Variants in RIN2 observed in about 807,000 individuals in gnomAD.
The protein encoded by RIN2 is Ras and Rab interactor 2.
RIN2 carries 36 observed loss-of-function variants against 78.0 expected under a neutral mutation model. The ratio of observed to expected loss-of-function variants is 0.46; its 90% confidence interval spans 0.35 to 0.61. The LOEUF (loss-of-function observed/expected upper bound fraction) is 0.61. RIN2 is among the 20% of genes least tolerant of loss of function. The pLI, the probability that RIN2 is intolerant of heterozygous loss-of-function variation, is 0.00. For missense variants in RIN2, 1,087 were observed against 1,159.7 expected, an observed-to-expected ratio of 0.94 and a Z score of 0.91; for synonymous variants, 466 against 466.8, an observed-to-expected ratio of 1.00 and a Z score of 0.02.
chr20:19,906,857 G>A (rs1021741706), intron 3 of RIN2, among the ~76,000 whole-genome samples: 1 of 152,224 alleles, frequency 6.6e-6, no homozygotes, highest in African/African-American at 2.4e-5. Context: ...GGCCACTGGA[G>A]TATGACCTCT....
At chr20:19,916,904 C>T (rs1600791792) in intron 3 of RIN2, among the ~76,000 whole-genome samples, 1 of 152,124 alleles carries the variant, frequency 6.6e-6, no homozygotes, top group Non-Finnish European at 1.5e-5. Context: ...TATACAGATC[C>T]TGGCTCCATC....
intron 11 of RIN2, among the ~76,000 whole-genome samples, chr20:19,995,989 A>G (rs1279532492): frequency 1.3e-5 from 2 of 152,008 alleles, no homozygotes; most frequent in African/African-American, 2.4e-5. Flanking sequence ...TAATACCCCA[A>G]CTACTCCTGG....
At chr20:19,762,588 A>T (rs2033684898) in intron 1 of RIN2, among the ~76,000 whole-genome samples, 1 of 152,042 alleles carries the variant, frequency 6.6e-6, no homozygotes, top group Non-Finnish European at 1.5e-5. Context: ...AAATGGACCT[A>T]TCAGATGGGG....
chr20:19,848,141 G>A (rs1384528208), intron 2 of RIN2, among the ~76,000 whole-genome samples: 1 of 152,166 alleles, frequency 6.6e-6, no homozygotes, highest in African/African-American at 2.4e-5. Flanking sequence ...CTTAATGCTA[G>A]TTAAGTGGTG....
chr20:19,804,586 T>C (rs1472498978), intron 2 of RIN2, among the ~76,000 whole-genome samples: 1 of 152,254 alleles, frequency 6.6e-6, no homozygotes, highest in African/African-American at 2.4e-5. Context: ...GATGTGCTGC[T>C]GGATTTGGTT....
chr20:19,866,825 A>C (rs1403654754), intron 2 of RIN2, among the ~76,000 whole-genome samples: 1 of 151,932 alleles, frequency 6.6e-6, no homozygotes, highest in Non-Finnish European at 1.5e-5. Flanking sequence ...GGGTTTCACT[A>C]TGTTGACCAG....
chr20:19,956,807 G>A lies in RIN2; in HGVS notation c.351G>A (p.Gly117=), dbSNP rs1314345930. ...AAEVLQAQPP[G]IFLVHKSTKM... is the part of the protein sequence containing the mutation. ...AGGTCCTGCAGGCCCAGCCTCCGGG[G>A]GTAAGACTCAGAACCTCGGGAAGCA... The change falls in exon 5 of 13, where the codon GGG becomes GGA. Residue 117 remains glycine, a splice_region_variant and synonymous_variant. Transcript: ENST00000255006. The A allele has an allele frequency of 1.3e-6, 2 of 1,567,850 alleles. No individual in the cohort carries two copies. The highest frequency in any genetic ancestry group is 1.7e-6 in the Non-Finnish European group (2 of 1,153,952).
At chr20:19,948,083 A>G (rs1470872869) in intron 4 of RIN2, among the ~76,000 whole-genome samples, 1 of 152,206 alleles carries the variant, frequency 6.6e-6, no homozygotes, top group Non-Finnish European at 1.5e-5. Context: ...TCATGTAAGT[A>G]GAAGCAAACA....
chr20:19,974,839 A>G lies in RIN2; in HGVS notation c.814A>G (p.Ile272Val). Reference protein sequence around the residue: ...CSQTNGALCFINPLFLKVHSQ... With the variant: ...CSQTNGALCFVNPLFLKVHSQ... The stretch of plus-strand genomic sequence containing the variant: ...CCAGACCAACGGGGCCCTGTGCTTT[A>G]TTAATCCCCTTTTCTTGAAAGTGCA... The change falls in exon 9 of 13, where the codon ATT becomes GTT. Residue 272 changes from isoleucine (I) to valine (V), a missense_variant. Coordinates refer to ENST00000255006, the MANE Select transcript of RIN2 (RefSeq NM_018993.4). The G allele has an allele frequency of 3.1e-6, 5 of 1,613,934 alleles. No individual in the cohort carries two copies. Among genetic ancestry groups the G allele is most frequent in the Non-Finnish European group, 4.2e-6 (5 of 1,179,882 alleles).
intron 9 of RIN2, among the ~76,000 whole-genome samples, chr20:19,980,066 A>G (rs2042399239): frequency 6.9e-6 from 1 of 145,378 alleles, no homozygotes; most frequent in Admixed American, 7.0e-5. Flanking sequence ...AAAAAAAAAA[A>G]CTCTTCTGAG....
At chr20:19,955,450 C>T (rs1293156554) in intron 4 of RIN2, among the ~76,000 whole-genome samples, 3 of 151,972 alleles carry the variant, frequency 2.0e-5, no homozygotes, top group African/African-American at 7.2e-5. Context: ...CATCCTCCCA[C>T]CTCAGCCTCC....
intron 1 of RIN2, among the ~76,000 whole-genome samples, chr20:19,776,298 T>C (rs1439352763): frequency 2.0e-5 from 3 of 152,218 alleles, no homozygotes; most frequent in Non-Finnish European, 2.9e-5. Flanking sequence ...TGAAGTCTGA[T>C]GAGAAACATT....
intron 2 of RIN2, among the ~76,000 whole-genome samples, chr20:19,852,922 T>G (rs2037029612): frequency 6.6e-6 from 1 of 151,970 alleles, no homozygotes; most frequent in South Asian, 2.1e-4. Flanking sequence ...CTAGGGTACA[T>G]GTGCACAACG....
At chr20:19,945,343 G>T (rs1186823982) in intron 4 of RIN2, among the ~76,000 whole-genome samples, 1 of 152,120 alleles carries the variant, frequency 6.6e-6, no homozygotes, top group African/African-American at 2.4e-5. Context: ...TGGGCAGGAG[G>T]TGGGTGGCTT....
At chr20:19,987,638 G>A (rs2042662035) in intron 9 of RIN2, among the ~76,000 whole-genome samples, 2 of 152,140 alleles carry the variant, frequency 1.3e-5, no homozygotes, top group African/African-American at 4.8e-5. Context: ...TGGCCCATCT[G>A]AGCACTCAAT....
chr20:19,896,899 T>A (rs1022488478), intron 3 of RIN2, among the ~76,000 whole-genome samples: 1 of 152,178 alleles, frequency 6.6e-6, no homozygotes, highest in Non-Finnish European at 1.5e-5. Context: ...GCCTAATATA[T>A]CAAAATATCA....
chr20:19,884,930 A>G (rs527912897), intron 2 of RIN2, among the ~76,000 whole-genome samples: 4 of 152,318 alleles, frequency 2.6e-5, no homozygotes, highest in African/African-American at 7.2e-5. Flanking sequence ...AGGGTGAGTC[A>G]CTTTTTCCTA....
chr20:19,867,138 C>T (rs2037534821), intron 2 of RIN2, among the ~76,000 whole-genome samples: 1 of 151,848 alleles, frequency 6.6e-6, no homozygotes, highest in African/African-American at 2.4e-5. Context: ...TAACATTTTA[C>T]CATATTTGTT....
Position 19,799,729 on chromosome 20 carries a change from G to C in RIN2, c.-55G>C, listed in dbSNP as rs780189189. 6.6e-6 allele frequency: 1 copy of C among 152,274 alleles called. No homozygotes were observed. Among genetic ancestry groups the C allele is most frequent in the Admixed American group, 6.5e-5 (1 of 15,284 alleles). The allele number at this position is 152,274 out of a possible 1,614,324, so 9.4% of individuals were successfully genotyped here. ...GCTGAACTGCAGTGGGAGAGGAGAA[G>C]AGATGCTGGCGTGAAGGGGTACGTA... On this transcript the variant is annotated 5_prime_UTR_variant, in exon 2 of 13. Coordinates refer to ENST00000255006, the MANE Select transcript of RIN2 (RefSeq NM_018993.4).
Sources: allele counts gnomAD v4.1 joint callset (sites outside exome capture counted in the v4.1 genomes callset), GRCh38; gene constraint gnomAD v4.1.1; transcripts MANE v1.5; gene names NCBI Gene and HGNC (gene_info 2026-07-23, HGNC 2026-07-21).